The following CLSTN2 variants were observed in gnomAD, a reference collection of about 807,000 sequenced individuals.
CLSTN2 encodes calsyntenin-2.
In CLSTN2, 48 loss-of-function variants were observed where a neutral mutation model predicts 101.2. The observed-to-expected ratio is 0.47, with a 90% CI of 0.38 to 0.60. The LOEUF is 0.60. CLSTN2 is among the 20% of genes least tolerant of loss of function. CLSTN2 has a pLI of 0.00. For synonymous variants in CLSTN2, 481 were observed against 463.6 expected, an observed-to-expected ratio of 1.04 and a Z score of -0.48; for missense variants, 1,160 against 1,238.2, an observed-to-expected ratio of 0.94 and a Z score of 0.95.
At chr3:140,303,284 C>T (rs74772609) in intron 2 of CLSTN2, among the ~76,000 whole-genome samples, 5 of 152,322 alleles carry the variant, frequency 3.3e-5, no homozygotes, top group Non-Finnish European at 5.9e-5. Flanking sequence ...TGTGGTCTCT[C>T]TCATTCAGGG....
intron 2 of CLSTN2, among the ~76,000 whole-genome samples, chr3:140,340,059 A>G (rs1257879359): frequency 1.3e-5 from 2 of 152,162 alleles, no homozygotes; most frequent in South Asian, 4.2e-4. Context: ...TTTGAAAGAG[A>G]TGGTACTTGT....
At chr3:140,176,573 A>C (rs2107829151) in intron 2 of CLSTN2, among the ~76,000 whole-genome samples, 1 of 152,374 alleles carries the variant, frequency 6.6e-6, no homozygotes, top group South Asian at 2.1e-4. Context: ...GAGGAATCCC[A>C]AGGCAGTGCC....
chr3:140,244,793 T>A (rs551407738), intron 2 of CLSTN2, among the ~76,000 whole-genome samples: 1 of 152,376 alleles, frequency 6.6e-6, no homozygotes, highest in Admixed American at 6.5e-5. Context: ...CTTATTAAGT[T>A]TGTAGTTCCA....
intron 2 of CLSTN2, among the ~76,000 whole-genome samples, chr3:140,338,550 C>T (rs1220318525): frequency 1.3e-5 from 2 of 150,760 alleles, no homozygotes; most frequent in Non-Finnish European, 2.9e-5. Context: ...GGGAAATACA[C>T]ATAAAATGTC....
chr3:140,142,478 A>G (rs1272508791), intron 1 of CLSTN2, among the ~76,000 whole-genome samples: 1 of 152,206 alleles, frequency 6.6e-6, no homozygotes, highest in Non-Finnish European at 1.5e-5. Flanking sequence ...CTGAGAAGTT[A>G]GGCAGAGCTG....
intron 1 of CLSTN2, among the ~76,000 whole-genome samples, chr3:140,068,542 C>T (rs2008338468): frequency 6.6e-6 from 1 of 152,198 alleles, no homozygotes; most frequent in Non-Finnish European, 1.5e-5. Flanking sequence ...TCTTTTTCCA[C>T]TAAAGAACAA....
At chr3:140,120,258 G>T (rs973937114) in intron 1 of CLSTN2, among the ~76,000 whole-genome samples, 1 of 152,246 alleles carries the variant, frequency 6.6e-6, no homozygotes, top group Admixed American at 6.5e-5. Flanking sequence ...TTTGGATGCC[G>T]TTAATTTGTT....
At chr3:140,227,749 C>T (rs939441565) in intron 2 of CLSTN2, among the ~76,000 whole-genome samples, 1 of 152,248 alleles carries the variant, frequency 6.6e-6, no homozygotes, top group African/African-American at 2.4e-5. Flanking sequence ...AACCCTCATT[C>T]TTGACTTCTG....
At chr3:140,156,946 C>A (rs1323824646) in intron 1 of CLSTN2, among the ~76,000 whole-genome samples, 1 of 152,090 alleles carries the variant, frequency 6.6e-6, no homozygotes, top group East Asian at 1.9e-4. Flanking sequence ...CAAACACAAC[C>A]CGCTGACATC....
At chr3:140,126,387 G>A (rs564622992) in intron 1 of CLSTN2, among the ~76,000 whole-genome samples, 1 of 152,100 alleles carries the variant, frequency 6.6e-6, no homozygotes, top group Admixed American at 6.5e-5. Flanking sequence ...TGGGGATCCA[G>A]AAGTATACTT....
chr3:140,212,293 C>A (rs1030886980), intron 2 of CLSTN2, among the ~76,000 whole-genome samples: 2 of 152,134 alleles, frequency 1.3e-5, no homozygotes, highest in Non-Finnish European at 2.9e-5. Context: ...AGTTTACAGC[C>A]CTAGGGGAGC....
At chr3:140,192,429 TTTC>T (rs1417265870) in intron 2 of CLSTN2, among the ~76,000 whole-genome samples, 5 of 151,982 alleles carry the variant, frequency 3.3e-5, no homozygotes, top group African/African-American at 1.2e-4. Flanking sequence ...AATAGACTTA[TTTC>T]TTCTTTTAGT....
intron 15 of CLSTN2, 58 bp downstream of exon 15, chr3:140,563,261 T>A (rs1189585582): frequency 6.3e-7 from 1 of 1,577,958 alleles, no homozygotes; most frequent in East Asian, 2.2e-5. Context: ...GACTCAAGAT[T>A]ATCTACTCAA....
intron 9 of CLSTN2, among the ~76,000 whole-genome samples, chr3:140,543,681 T>C (rs1008055273): frequency 4.6e-5 from 7 of 152,216 alleles, no homozygotes; most frequent in Admixed American, 3.3e-4. Context: ...GCTGGCAAGA[T>C]AGCTGCAACA....
chr3:140,351,027 A>G (rs1256881768), intron 2 of CLSTN2, among the ~76,000 whole-genome samples: 1 of 152,200 alleles, frequency 6.6e-6, no homozygotes, highest in Non-Finnish European at 1.5e-5. Context: ...AAAGGTACTC[A>G]GGATGCTTCA....
In CLSTN2 at chr3:140,220,335, A is replaced by C. The variant is rs377528916; in HGVS notation, c.232+44262A>C. ...TGATGTATTTGGTCACTAGCCTGTA[A>C]TGCTGGTGGGGGCAGAGAGTGCAAG... On this transcript the variant is annotated intron_variant, in intron 2 of 16. Transcript: ENST00000458420. 5.9e-5 allele frequency among the ~76,000 whole-genome samples: 9 copies of C among 152,302 alleles called. No homozygotes were observed. In the East Asian group the frequency reaches 1.4e-3, roughly 23 times the overall value.
chr3:140,132,207 CTT>C (rs2009534313), intron 1 of CLSTN2, among the ~76,000 whole-genome samples: 1 of 152,140 alleles, frequency 6.6e-6, no homozygotes, highest in Non-Finnish European at 1.5e-5. Flanking sequence ...AGACTCCTGA[CTT>C]TAAGGGGAAA....
At chr3:140,246,096 T>A (rs955244297) in intron 2 of CLSTN2, among the ~76,000 whole-genome samples, 5 of 152,234 alleles carry the variant, frequency 3.3e-5, no homozygotes, top group African/African-American at 1.2e-4. Context: ...GAAATTTATT[T>A]TGCTTTTACT....
At chr3:139,990,840 G>T (rs909354730) in intron 1 of CLSTN2, among the ~76,000 whole-genome samples, 1 of 152,200 alleles carries the variant, frequency 6.6e-6, no homozygotes, top group Admixed American at 6.5e-5. Flanking sequence ...TAATGCCATT[G>T]TTGGTATACA....
Sources: gnomAD v4.1 joint callset for allele counts (sites outside exome capture counted in the v4.1 genomes callset) on GRCh38, gnomAD v4.1.1 for gene constraint, MANE v1.5 for transcripts, NCBI Gene and HGNC (gene_info 2026-07-23, HGNC 2026-07-21) for gene names.